FBH1: variants seen among roughly 807,000 people sequenced by gnomAD.
FBH1 encodes the protein F-box DNA helicase 1, also known as DNA 3'-5' helicase 1.
A neutral mutation model predicts 115.5 loss-of-function variants in FBH1; 43 were observed. The observed-to-expected ratio is 0.37, with a 90% confidence interval of 0.29 to 0.48. FBH1 has a LOEUF of 0.48. Ranked by LOEUF, FBH1 falls within the 20% of genes least tolerant of loss-of-function variation. FBH1 has a pLI of 0.99. For missense variants in FBH1, 1,001 were observed against 1,337.3 expected (o/e 0.75, Z 3.92); for synonymous variants, 524 against 507.8 (o/e 1.03, Z -0.43).
chr10:5,937,064 T>G (rs1300680533), intron 20 of FBH1, 46 bp from the exon 21 acceptor site: 1 of 1,526,346 alleles, frequency 6.6e-7, no homozygotes, highest in Non-Finnish European at 8.8e-7. Flanking sequence ...AAAATCCATG[T>G]TCTTTGGTTG....
rs1174347033 is a variant in FBH1, at chr10:5,911,765, A to C, written c.1211+637A>C. Among the ~76,000 whole-genome samples the C allele has an allele frequency of 6.6e-6, 1 of 152,188 alleles. No individual in the cohort carries two copies. The highest frequency in any genetic ancestry group is 1.9e-4 in the East Asian group (1 of 5,202). On this transcript the variant is annotated intron_variant, in intron 6 of 20. Coordinates refer to ENST00000362091, the MANE Select transcript of FBH1 (RefSeq NM_178150.3). This position sits in a 1 kb window ranked among gnomAD's most constrained non-coding sequence, Gnocchi z 5.4. The stretch of plus-strand genomic sequence containing the variant: ...TGTGTGAAATGGCATTTTAGTGAGT[A>C]ATGAGCATTGCAGAGAAAATAGAAC...
At chr10:5,893,850 C>G (rs1049529251) in intron 1 of FBH1, 1 of 291,702 alleles carries the variant, frequency 3.4e-6, no homozygotes, top group Non-Finnish European at 5.1e-6. Context: ...TGGGACATAG[C>G]AGATACGTAA....
At position 5,915,569 on chromosome 10, in the gene FBH1, G is replaced by A. The variant is rs754333731; in HGVS notation, c.1563G>A (p.Arg521=). 3.1e-6 allele frequency: 5 copies of A among 1,613,992 alleles called. No homozygotes were observed. The highest frequency in any genetic ancestry group is 1.6e-4 in the Middle Eastern group (1 of 6,078). ...CCATGGCCTACGGGCACATAGGGCG[G>A]AAGTGAGTACTGCTGTCACTAGTGG... The part of the protein sequence containing the change: ...FHSMAYGHIG[R]KYQSKKKLNL... Residue 521 remains arginine, a splice_region_variant and synonymous_variant, in exon 9 of 21, where the codon CGG becomes CGA. Transcript: ENST00000362091. The surrounding 1 kb of genome is among the most constrained non-coding windows in gnomAD (Gnocchi z 5.2).
intron 19 of FBH1, among the ~76,000 whole-genome samples, chr10:5,930,924 T>G (rs779890705): frequency 6.6e-6 from 1 of 151,876 alleles, no homozygotes; most frequent in Non-Finnish European, 1.5e-5. Context: ...TGGTTTTTTT[T>G]TTGTTTTGTT....
rs761483034 is a variant in FBH1 at position 5,903,192 on chromosome 10, A to G, written c.157+17A>G. On this transcript the variant is annotated intron_variant, in intron 2 of 20. Transcript: ENST00000362091. ...GGAGTAGGGGTATGTCTCCTCTAAA[A>G]CTCTTGCATTTCAAAACCTGTAGTG... is the stretch of plus-strand genomic sequence containing the variant. The G allele has an allele frequency of 5.1e-6, 8 of 1,576,358 alleles. No individual in the cohort carries two copies. The Admixed American group carries it at 1.3e-4, about 25-fold the overall frequency.
chr10:5,928,497 C>T (rs1479864496), intron 19 of FBH1: 2 of 152,194 alleles, frequency 1.3e-5, no homozygotes, highest in African/African-American at 4.8e-5. Flanking sequence ...GTTTTGTGCA[C>T]CCAGCCTTCC....
At position 5,915,893 on chromosome 10, in the gene FBH1, A is replaced by C. The variant is rs1007175341; in HGVS notation, c.1565+322A>C. 2.2e-6 allele frequency: 1 copy of C among 463,208 alleles called. No individual in the cohort carries two copies. Among genetic ancestry groups the C allele is most frequent in the Non-Finnish European group, 3.9e-6 (1 of 257,310 alleles). The allele number at this position is 463,208 out of a possible 1,614,324, so 28.7% of individuals were successfully genotyped here. On this transcript the variant is annotated intron_variant, in intron 9 of 20. Transcript: ENST00000362091. This position sits in a 1 kb window ranked among gnomAD's most constrained non-coding sequence, Gnocchi z 5.2. ...TGTAGGCTTTTCTTGGAAGGGAGTG[A>C]GGAAGACTCAGCCGAGGCACACTTG...
chr10:5,919,141 T>G (rs1832159999), intron 13 of FBH1, among the ~76,000 whole-genome samples: 2 of 152,250 alleles, frequency 1.3e-5, no homozygotes, highest in Admixed American at 1.3e-4. Flanking sequence ...GCTGCATTTT[T>G]TTTTGTTCTC....
rs763538239 is a variant in FBH1 at position 5,924,813 on chromosome 10, A to G, written c.2596+305A>G. ...ACTCCCAACCTCAGGTAATCTGCCCACCTCGACCTCCCAAAGTGCTAGAAT... is the reference window on the plus strand; with the variant it reads ...ACTCCCAACCTCAGGTAATCTGCCCGCCTCGACCTCCCAAAGTGCTAGAAT... On this transcript the variant is annotated intron_variant, in intron 17 of 20. Transcript: ENST00000362091. The surrounding 1 kb of genome is among the most constrained non-coding windows in gnomAD (Gnocchi z 6.2). 2.3e-5 allele frequency: 11 copies of G among 477,656 alleles called. No homozygotes were observed. The highest frequency in any genetic ancestry group is 1.8e-4 in the South Asian group (11 of 62,012). The allele number at this position is 477,656 out of a possible 1,614,324, so 29.6% of individuals were successfully genotyped here.
rs889956998 is a variant in FBH1, at chr10:5,914,286, C to G, written c.1396+17C>G. On this transcript the variant is annotated intron_variant, in intron 8 of 20. Coordinates refer to ENST00000362091, the MANE Select transcript of FBH1 (RefSeq NM_178150.3). This position sits in a 1 kb window ranked among gnomAD's most constrained non-coding sequence, Gnocchi z 5.2. ...CCTTTGCCGGTAAGGGAGCCCACATCAGGTTCACGAGGTGGTGGTTTTCTG... is the reference window on the plus strand; with the variant it reads ...CCTTTGCCGGTAAGGGAGCCCACATGAGGTTCACGAGGTGGTGGTTTTCTG... The G allele has an allele frequency of 1.2e-6, 2 of 1,611,210 alleles. No individual in the cohort carries two copies. Among genetic ancestry groups the G allele is most frequent in the Non-Finnish European group, 1.7e-6 (2 of 1,177,236 alleles).
intron 18 of FBH1, among the ~76,000 whole-genome samples, chr10:5,926,196 C>T (rs969624371): frequency 6.6e-6 from 1 of 152,216 alleles, no homozygotes; most frequent in Non-Finnish European, 1.5e-5. Context: ...TCTCGGCTCA[C>T]TGCAATCTCC....
At position 5,910,607 on chromosome 10, in the gene FBH1, C is replaced by G. The variant is rs1449434816; in HGVS notation, c.1021-331C>G. 6.6e-6 allele frequency among the ~76,000 whole-genome samples: 1 copy of G among 152,114 alleles called. No individual in the cohort carries two copies. Among genetic ancestry groups the G allele is most frequent in the Non-Finnish European group, 1.5e-5 (1 of 68,034 alleles). On this transcript the variant is annotated intron_variant, in intron 5 of 20. Coordinates refer to ENST00000362091, the MANE Select transcript of FBH1 (RefSeq NM_178150.3). The surrounding 1 kb of genome is among the most constrained non-coding windows in gnomAD (Gnocchi z 4.8). ...CCAAGCACATATGGACCTGAGAGCC[C>G]CCATGGCCTGGAGAGTAGGGTGGGG...
rs35421692 is a variant in FBH1 at position 5,906,965 on chromosome 10, C to CTT, written c.753+347_753+348dup. 1.4e-5 allele frequency among the ~76,000 whole-genome samples: 2 copies of CTT among 142,764 alleles called. No homozygotes were observed. Among genetic ancestry groups the CTT allele is most frequent in the African/African-American group, 2.6e-5 (1 of 39,136 alleles). 93.7% of individuals were successfully genotyped at this position (142,764 alleles called of 152,430 possible). Reference sequence around the variant, plus strand: ...GGGTTCCTCATATCTCCCTTGACTTCTTTTTTTTTTTTTTTGAGACAGAGT... The same window carrying CTT: ...GGGTTCCTCATATCTCCCTTGACTTCTTTTTTTTTTTTTTTTTGAGACAGAGT... On this transcript the variant is annotated intron_variant, in intron 3 of 20. Coordinates refer to ENST00000362091, the MANE Select transcript of FBH1 (RefSeq NM_178150.3). The surrounding 1 kb of genome is among the most constrained non-coding windows in gnomAD (Gnocchi z 7.3).
intron 3 of FBH1, among the ~76,000 whole-genome samples, chr10:5,907,128 A>C (rs1758455147): frequency 6.6e-6 from 1 of 151,580 alleles, no homozygotes. Context: ...ACACCCGGCT[A>C]ATTTTTGTAT....
At position 5,923,844 on chromosome 10, in the gene FBH1, C is replaced by T; in HGVS notation, c.2398+148C>T. The T allele has an allele frequency of 1.5e-6, 1 of 669,576 alleles. No individual in the cohort carries two copies. Among genetic ancestry groups the T allele is most frequent in the South Asian group, 1.9e-5 (1 of 52,538 alleles). The allele number at this position is 669,576 out of a possible 1,614,324, so 41.5% of individuals were successfully genotyped here. ...CTGTCTTCCCATGACGAGGGGGGTGCCTCGGGCCTCCTGTTTTCATAGGTA... is the reference window on the plus strand; with the variant it reads ...CTGTCTTCCCATGACGAGGGGGGTGTCTCGGGCCTCCTGTTTTCATAGGTA... On this transcript the variant is annotated intron_variant, in intron 16 of 20. Coordinates refer to ENST00000362091, the MANE Select transcript of FBH1 (RefSeq NM_178150.3). This position sits in a 1 kb window ranked among gnomAD's most constrained non-coding sequence, Gnocchi z 5.7.
Position 5,915,951 on chromosome 10 carries a change from A to T in FBH1, c.1566-283A>T. 1 of 490,230 alleles carries T rather than the reference A, an allele frequency of 2.0e-6. No individual in the cohort carries two copies. Among genetic ancestry groups the T allele is most frequent in the South Asian group, 2.3e-5 (1 of 43,422 alleles). 30.4% of individuals were successfully genotyped at this position (490,230 alleles called of 1,614,324 possible). Reference sequence around the variant, plus strand: ...TCTCCTGGATGTAGAGGCATCAGGGAACTCCAAGGGTCCCTCCGGGGACCT... The same window carrying T: ...TCTCCTGGATGTAGAGGCATCAGGGTACTCCAAGGGTCCCTCCGGGGACCT... On this transcript the variant is annotated intron_variant, in intron 9 of 20. Coordinates refer to ENST00000362091, the MANE Select transcript of FBH1 (RefSeq NM_178150.3). The surrounding 1 kb of genome is among the most constrained non-coding windows in gnomAD (Gnocchi z 5.2).
intron 1 of FBH1, chr10:5,894,595 G>A: frequency 5.2e-6 from 4 of 771,132 alleles, no homozygotes; most frequent in Non-Finnish European, 9.6e-6. Context: ...GGAAAGAACT[G>A]CAAAAGCTGT....
Position 5,936,349 on chromosome 10 carries a change from C to T in FBH1, c.2830-107C>T. On this transcript the variant is annotated intron_variant, in intron 19 of 20. Coordinates refer to ENST00000362091, the MANE Select transcript of FBH1 (RefSeq NM_178150.3). The surrounding 1 kb of genome is among the most constrained non-coding windows in gnomAD (Gnocchi z 5.6). ...TTAGGCGGGGTTTTTCTCTCTGGGA[C>T]TTACAGTGCATCTAAAGGGTTCTCA... The T allele has an allele frequency of 7.5e-7, 1 of 1,324,840 alleles. No homozygotes were observed. Among genetic ancestry groups the T allele is most frequent in the Non-Finnish European group, 1.0e-6 (1 of 954,954 alleles). 82.1% of individuals were successfully genotyped at this position (1,324,840 alleles called of 1,614,324 possible).
At chr10:5,905,455 T>C (rs1843634381) in intron 2 of FBH1, among the ~76,000 whole-genome samples, 1 of 152,178 alleles carries the variant, frequency 6.6e-6, no homozygotes, top group Non-Finnish European at 1.5e-5. Context: ...GAGGTGGTGG[T>C]TGCAGTGAGC....
Sources: gnomAD v4.1 joint callset for allele counts (sites outside exome capture counted in the v4.1 genomes callset) on GRCh38, gnomAD v4.1.1 for gene constraint, Gnocchi (gnomAD v3.1) non-coding constraint, MANE v1.5 for transcripts, NCBI Gene and HGNC (gene_info 2026-07-23, HGNC 2026-07-21) for gene names.